PLCZ1: variants seen among roughly 807,000 people sequenced by gnomAD.
The protein encoded by PLCZ1 is 1-phosphatidylinositol 4,5-bisphosphate phosphodiesterase zeta-1.
A neutral mutation model predicts 76.8 loss-of-function variants in PLCZ1; 64 were observed. The observed-to-expected ratio is 0.83, with a 90% CI of 0.68 to 1.03. The LOEUF is 1.03. Ranked by LOEUF, PLCZ1 falls within the 50% of genes least tolerant of loss-of-function variation. The pLI, the probability that PLCZ1 is intolerant of heterozygous loss-of-function variation, is 0.00. For missense variants in PLCZ1, 751 were observed against 713.7 expected (o/e 1.05, Z -0.60); for synonymous variants, 248 against 230.8 (o/e 1.07, Z -0.68).
At chr12:18,695,200 C>G in intron 11 of PLCZ1, 121 bp from the exon 12 acceptor site, 1 of 936,350 alleles carries the variant, frequency 1.1e-6, no homozygotes, top group South Asian at 1.5e-5. Context: ...GAGCAAGTAT[C>G]ATTAGCCTAA....
At chr12:18,706,159 G>A (rs926106032) in intron 6 of PLCZ1, among the ~76,000 whole-genome samples, 3 of 151,732 alleles carry the variant, frequency 2.0e-5, no homozygotes, top group African/African-American at 4.8e-5. Flanking sequence ...CTTGAACCGG[G>A]AGGTGGAGGT....
At chr12:18,722,068 C>T (rs1255714614) in intron 4 of PLCZ1, among the ~76,000 whole-genome samples, 10 of 152,142 alleles carry the variant, frequency 6.6e-5, no homozygotes, top group Non-Finnish European at 1.5e-4. Flanking sequence ...GCTTCCCTTT[C>T]TTGGACCTTA....
the PLCZ1 span, among the ~76,000 whole-genome samples, chr12:18,653,490 C>T: frequency 2.0e-5 from 3 of 152,142 alleles, no homozygotes; most frequent in African/African-American, 4.8e-5. Context: ...AAATGTGTTA[C>T]AAGCTCTAGT....
chr12:18,665,845 G>A, the PLCZ1 span, among the ~76,000 whole-genome samples: 1 of 151,012 alleles, frequency 6.6e-6, no homozygotes, highest in Non-Finnish European at 1.5e-5. Flanking sequence ...TGAGGCAGGG[G>A]AATCACTTGA....
chr12:18,693,255 A>G, intron 12 of PLCZ1: 2 of 1,541,642 alleles, frequency 1.3e-6, no homozygotes, highest in Non-Finnish European at 1.8e-6. Flanking sequence ...GCATACCATG[A>G]TAGGGGTGCT....
chr12:18,722,195 G>C (rs1323016132), intron 4 of PLCZ1, among the ~76,000 whole-genome samples: 1 of 105,280 alleles, frequency 9.5e-6, no homozygotes, highest in Non-Finnish European at 2.0e-5. Context: ...AGGCCTCCCA[G>C]GTCATTTACT....
intron 13 of PLCZ1, 96 bp downstream of exon 13, chr12:18,687,993 A>G (rs577069875): frequency 2.0e-6 from 3 of 1,510,504 alleles, no homozygotes; most frequent in Non-Finnish European, 9.0e-7. Flanking sequence ...TGTCTTATGA[A>G]TAATAAATAT....
intron 4 of PLCZ1, 86 bp from the exon 5 acceptor site, chr12:18,719,718 C>A: frequency 1.1e-6 from 1 of 882,700 alleles, no homozygotes; most frequent in South Asian, 1.8e-5. Flanking sequence ...TAAACTTACT[C>A]AGTAGTAGAG....
At chr12:18,714,262 A>G (rs1407829296) in intron 5 of PLCZ1, among the ~76,000 whole-genome samples, 2 of 152,186 alleles carry the variant, frequency 1.3e-5, no homozygotes, top group Non-Finnish European at 2.9e-5. Context: ...AGTTGTTCCT[A>G]TTACCTATGA....
At chr12:18,677,344 A>C in the PLCZ1 span, among the ~76,000 whole-genome samples, 2 of 152,120 alleles carry the variant, frequency 1.3e-5, no homozygotes, top group Non-Finnish European at 2.9e-5. Context: ...GCACCGTGCA[A>C]TCAAACCGGT....
chr12:18,720,022 C>T (rs897528600), intron 4 of PLCZ1, among the ~76,000 whole-genome samples: 2 of 152,084 alleles, frequency 1.3e-5, no homozygotes, highest in African/African-American at 4.8e-5. Context: ...TCACTCACCA[C>T]ACCCAAGTAT....
the PLCZ1 span, among the ~76,000 whole-genome samples, chr12:18,665,662 C>T: frequency 1.1e-4 from 16 of 151,990 alleles, no homozygotes; most frequent in Admixed American, 9.2e-4. Context: ...GCGGTCTGGA[C>T]GCAGTGGCTC....
chr12:18,664,228 C>T, the PLCZ1 span, among the ~76,000 whole-genome samples: 1 of 152,272 alleles, frequency 6.6e-6, no homozygotes. Flanking sequence ...TCCTCAAAAA[C>T]TTAAACATAG....
chr12:18,728,299 A>G (rs930029598), intron 3 of PLCZ1, among the ~76,000 whole-genome samples: 3 of 152,212 alleles, frequency 2.0e-5, no homozygotes, highest in Middle Eastern at 3.2e-3. Context: ...ATCCTTATGT[A>G]TAAAAAGAAG....
At chr12:18,706,924 C>G (rs1254071390) in intron 6 of PLCZ1, among the ~76,000 whole-genome samples, 3 of 152,188 alleles carry the variant, frequency 2.0e-5, no homozygotes, top group African/African-American at 7.2e-5. Flanking sequence ...GTTGGTAAGG[C>G]TGCACTCCCT....
At chr12:18,674,471 C>G in the PLCZ1 span, among the ~76,000 whole-genome samples, 684 of 152,280 alleles carry the variant, frequency 4.5e-3, 6 homozygotes, top group African/African-American at 0.016. Context: ...TTTTCTCACT[C>G]TATGAATTTT....
intron 6 of PLCZ1, among the ~76,000 whole-genome samples, chr12:18,708,775 A>G (rs1458188739): frequency 5.3e-5 from 8 of 152,238 alleles, no homozygotes; most frequent in South Asian, 4.2e-4. Context: ...AATGTTGAGT[A>G]CCTTTTCATA....
intron 3 of PLCZ1, among the ~76,000 whole-genome samples, chr12:18,734,913 C>A (rs1403788002): frequency 6.6e-6 from 1 of 152,100 alleles, no homozygotes; most frequent in East Asian, 1.9e-4. Context: ...CATATATGGA[C>A]TTTAATGTGT....
chr12:18,647,867 C>T, the PLCZ1 span: 32 of 1,449,370 alleles, frequency 2.2e-5, no homozygotes, highest in Middle Eastern at 1.8e-4. Context: ...TTATTTTCTC[C>T]GTTTTTAGGT....
Sources: gnomAD v4.1 joint callset for allele counts (sites outside exome capture counted in the v4.1 genomes callset) on GRCh38, gnomAD v4.1.1 for gene constraint, MANE v1.5 for transcripts, NCBI Gene and HGNC (gene_info 2026-07-23, HGNC 2026-07-21) for gene names.